Variants in STAG1 observed in about 807,000 individuals in gnomAD.
STAG1 encodes the protein cohesin subunit SA-1.
Under a neutral mutation model 170.9 loss-of-function variants are expected in STAG1, and 26 were observed. That is an observed-to-expected ratio of 0.15 (90% confidence interval 0.11 to 0.21). STAG1 has a LOEUF of 0.21. Ranked by LOEUF, STAG1 falls within the 10% of genes least tolerant of loss-of-function variation. STAG1 has a pLI of 1.00. For synonymous variants in STAG1, 514 were observed against 497.7 expected (o/e 1.03, Z -0.44); for missense variants, 964 against 1,509.5 (o/e 0.64, Z 5.99).
At chr3:136,502,180 CA>C (rs796535790) in intron 8 of STAG1, among the ~76,000 whole-genome samples, 6 of 142,216 alleles carry the variant, frequency 4.2e-5, no homozygotes, top group Admixed American at 7.0e-5. Flanking sequence ...CTCCATCCCC[CA>C]AAAAAAAAAC....
At position 136,518,639 on chromosome 3, in the gene STAG1, A is replaced by C. The variant is rs571649339; in HGVS notation, c.676+2574T>G. Among the ~76,000 whole-genome samples, 3 of 152,252 alleles carry C rather than the reference A, an allele frequency of 2.0e-5. No individual in the cohort carries two copies. In the East Asian group the frequency reaches 5.8e-4, roughly 29 times the overall value. On this transcript the variant is annotated intron_variant, in intron 7 of 33. Coordinates refer to ENST00000383202, the MANE Select transcript of STAG1 (RefSeq NM_005862.3). ...GTGAGCCTTGGAAGATATAACCATT[A>C]ATTAGTGTAGACACATGGGAATTAC...
At chr3:136,531,452 C>T (rs1935361398) in intron 6 of STAG1, among the ~76,000 whole-genome samples, 1 of 149,918 alleles carries the variant, frequency 6.7e-6, no homozygotes, top group Admixed American at 6.7e-5. Context: ...TATAAAGACA[C>T]ATGCACACGT....
chr3:136,464,377 T>C (rs2089387467), intron 13 of STAG1, among the ~76,000 whole-genome samples: 1 of 151,580 alleles, frequency 6.6e-6, no homozygotes, highest in Non-Finnish European at 1.5e-5. Context: ...GAGTCGAGAC[T>C]GCACCATTGT....
chr3:136,545,958 G>T (rs1576591755), intron 5 of STAG1, among the ~76,000 whole-genome samples: 2 of 152,196 alleles, frequency 1.3e-5, no homozygotes, highest in East Asian at 3.9e-4. Flanking sequence ...TCACGTATTG[G>T]CACATAACAT....
chr3:136,452,085 C>T lies in STAG1; in HGVS notation c.1376G>A (p.Ser459Asn). 6.2e-7 allele frequency: 1 copy of T among 1,613,570 alleles called. No homozygotes were observed. Among genetic ancestry groups the T allele is most frequent in the Non-Finnish European group, 8.5e-7 (1 of 1,179,854 alleles). The change falls in exon 14 of 34, where the codon AGC (serine) becomes AAC (asparagine). Residue 459 changes from serine (S) to asparagine (N), a missense_variant. Ser to Asn is a conservative substitution (Grantham distance 46, BLOSUM62 1). Around this residue, in one of 11 missense-constraint regions of STAG1, gnomAD observed 162 missense variants for 211.2 expected, o/e 0.77. Coordinates refer to ENST00000383202, the MANE Select transcript of STAG1 (RefSeq NM_005862.3). ...CATCCTAATGAGGTTTCCATTCGGGCTGTTTCTTCCCCTCCTCTTTGCTAA... is the reference window on the plus strand; with the variant it reads ...CATCCTAATGAGGTTTCCATTCGGGTTGTTTCTTCCCCTCCTCTTTGCTAA... ...EALAKRRGRN[S>N]PNGNLIRMLV...
chr3:136,637,246 G>A (rs1940601794), intron 1 of STAG1, among the ~76,000 whole-genome samples: 1 of 152,050 alleles, frequency 6.6e-6, no homozygotes, highest in Non-Finnish European at 1.5e-5. Context: ...CTCTTTCAGT[G>A]AACAAAAAGA....
chr3:136,599,321 G>T (rs1374571409), intron 4 of STAG1, among the ~76,000 whole-genome samples: 1 of 152,068 alleles, frequency 6.6e-6, no homozygotes. Flanking sequence ...CTTGAGTCCA[G>T]GAGTTCAAGA....
chr3:136,367,307 A>G (rs1937111659), intron 24 of STAG1, among the ~76,000 whole-genome samples: 1 of 152,084 alleles, frequency 6.6e-6, no homozygotes. Flanking sequence ...TCTTCTTAGG[A>G]GATTATCATA....
chr3:136,517,064 G>C (rs983030962), intron 7 of STAG1, among the ~76,000 whole-genome samples: 3 of 152,176 alleles, frequency 2.0e-5, no homozygotes, highest in African/African-American at 7.2e-5. Context: ...GTCTGGAGAT[G>C]CTGATTCTAT....
chr3:136,565,050 G>C (rs1173153312), intron 5 of STAG1, among the ~76,000 whole-genome samples: 414 of 9,950 alleles, frequency 0.042, 7 homozygotes, highest in African/African-American at 0.1. Context: ...AGAAGGGAGG[G>C]AGGGAGGGAG....
At chr3:136,718,400 C>G (rs1184898699) in intron 1 of STAG1, among the ~76,000 whole-genome samples, 1 of 152,082 alleles carries the variant, frequency 6.6e-6, no homozygotes, top group Non-Finnish European at 1.5e-5. Flanking sequence ...CATTTTTACA[C>G]TGTTCTAAGG....
intron 23 of STAG1, among the ~76,000 whole-genome samples, chr3:136,375,969 A>AAAT (rs1937578037): frequency 8.0e-6 from 1 of 124,674 alleles, no homozygotes; most frequent in African/African-American, 3.1e-5. Context: ...ACTCCGTCTC[A>AAAT]AAATAAATAA....
chr3:136,376,429 G>A (rs1937612248), intron 23 of STAG1, among the ~76,000 whole-genome samples: 1 of 151,474 alleles, frequency 6.6e-6, no homozygotes, highest in Admixed American at 6.6e-5. Flanking sequence ...TACAAGAGAT[G>A]AGGAATCTAT....
At chr3:136,341,353 C>T (rs1007615145) in intron 31 of STAG1, 88 bp downstream of exon 31, 1 of 867,144 alleles carries the variant, frequency 1.2e-6, no homozygotes, top group Non-Finnish European at 1.9e-6. Flanking sequence ...ACTCCTAAGA[C>T]CAAACATCAA....
intron 1 of STAG1, among the ~76,000 whole-genome samples, chr3:136,691,430 CA>C (rs529191103): frequency 0.021 from 2,714 of 132,348 alleles, 70 homozygotes; most frequent in African/African-American, 0.064. Context: ...GCGAGACTCT[CA>C]AAAAAAAAAA....
chr3:136,704,891 A>G (rs1428608381), intron 1 of STAG1, among the ~76,000 whole-genome samples: 1 of 151,918 alleles, frequency 6.6e-6, no homozygotes. Flanking sequence ...TTCATTAAGA[A>G]GATATAACAA....
Position 136,729,911 on chromosome 3 carries a change from C to CA in STAG1, c.-84+22283dup, listed in dbSNP as rs201358201. ...TTTTTTTTTTTTTTTTTTTTTGAGA[C>CA]AGAGTCTCGCTCTGTTGCCCGAGCT... On this transcript the variant is annotated intron_variant, in intron 1 of 33. Transcript: ENST00000383202. Among the ~76,000 whole-genome samples, 502 of 114,626 alleles carry CA rather than the reference C, an allele frequency of 4.4e-3. 20 individuals are homozygous for CA. In the Admixed American group the frequency reaches 0.054, roughly 12 times the overall value. 75.2% of individuals were successfully genotyped at this position (114,626 alleles called of 152,430 possible).
intron 6 of STAG1, among the ~76,000 whole-genome samples, chr3:136,524,648 G>A (rs1042809085): frequency 1.3e-5 from 2 of 152,206 alleles, no homozygotes; most frequent in African/African-American, 4.8e-5. Flanking sequence ...TAGGAGTGGT[G>A]AGAGAGGGCA....
At chr3:136,529,824 CAAAT>C (rs1191496333) in intron 6 of STAG1, among the ~76,000 whole-genome samples, 1 of 152,034 alleles carries the variant, frequency 6.6e-6, no homozygotes, top group African/African-American at 2.4e-5. Flanking sequence ...AAGAAAGAAA[CAAAT>C]AATATTACAA....
Sources: allele counts gnomAD v4.1 joint callset (sites outside exome capture counted in the v4.1 genomes callset), GRCh38; gene constraint gnomAD v4.1.1; regional missense constraint gnomAD v4.1.1; transcripts MANE v1.5; gene names NCBI Gene and HGNC (gene_info 2026-07-23, HGNC 2026-07-21).